The following CBLB variants were observed in gnomAD, a reference collection of about 807,000 sequenced individuals.
CBLB encodes the protein E3 ubiquitin-protein ligase CBL-B.
In CBLB, 31 loss-of-function variants were observed where a neutral mutation model predicts 104.9. The ratio of observed to expected loss-of-function variants is 0.30; its 90% CI spans 0.22 to 0.40. The LOEUF is 0.40. Ranked by LOEUF, CBLB falls within the 10% of genes least tolerant of loss-of-function variation. The pLI is 1.00. For missense variants in CBLB, 1,062 were observed against 1,214.6 expected (o/e 0.87, Z 1.87); for synonymous variants, 440 against 422.6 (o/e 1.04, Z -0.51).
rs58640968 is a variant in CBLB at position 105,780,660 on chromosome 3, G to GTTTTTTTTTTTTTTTTTTT, written c.420-4137_420-4119dup. The stretch of plus-strand genomic sequence containing the variant: ...TTTTACAATAAAAGTTTTGTTTTTT[G>GTTTTTTTTTTTTTTTTTTT]TTTTTTTTTTTTTTTTTTTTGAGAT... On this transcript the variant is annotated intron_variant, in intron 3 of 18. Transcript: ENST00000394030. 8.6e-4 allele frequency among the ~76,000 whole-genome samples: 81 copies of GTTTTTTTTTTTTTTTTTTT among 94,034 alleles called. 2 individuals are homozygous for GTTTTTTTTTTTTTTTTTTT. The highest frequency in any genetic ancestry group is 1.4e-3 in the African/African-American group (33 of 23,048). The allele number at this position is 94,034 out of a possible 152,430, so 61.7% of individuals were successfully genotyped here.
At chr3:105,662,003 A>C (rs2063832879) in intron 18 of CBLB, among the ~76,000 whole-genome samples, 1 of 152,174 alleles carries the variant, frequency 6.6e-6, no homozygotes, top group Non-Finnish European at 1.5e-5. Context: ...AAGAACACAA[A>C]ATTTGTTGTG....
chr3:105,698,339 C>T (rs563695391), intron 12 of CBLB, among the ~76,000 whole-genome samples: 1 of 151,856 alleles, frequency 6.6e-6, no homozygotes, highest in Non-Finnish European at 1.5e-5. Context: ...AGTGACAATG[C>T]AAACAGAAAA....
At chr3:105,659,901 T>C (rs1188518299) in intron 18 of CBLB, among the ~76,000 whole-genome samples, 3 of 152,092 alleles carry the variant, frequency 2.0e-5, no homozygotes, top group Non-Finnish European at 4.4e-5. Flanking sequence ...TTTGCTCAAA[T>C]ACTTTATACA....
intron 3 of CBLB, among the ~76,000 whole-genome samples, chr3:105,790,392 A>C (rs941500049): frequency 8.5e-5 from 13 of 152,246 alleles, no homozygotes; most frequent in African/African-American, 3.1e-4. Flanking sequence ...AGTATAGCTT[A>C]CTTACACAAC....
chr3:105,851,343 A>G (rs760698919), intron 3 of CBLB, among the ~76,000 whole-genome samples: 19 of 152,062 alleles, frequency 1.2e-4, no homozygotes, highest in Non-Finnish European at 2.6e-4. Context: ...AACTGCACAG[A>G]CAGTAAAAAG....
chr3:105,771,493 C>T (rs957593669), intron 4 of CBLB, among the ~76,000 whole-genome samples: 1 of 152,092 alleles, frequency 6.6e-6, no homozygotes, highest in Non-Finnish European at 1.5e-5. Context: ...TCCCCACCTT[C>T]ACCACTTCTA....
intron 6 of CBLB, among the ~76,000 whole-genome samples, chr3:105,742,446 G>C (rs2075698798): frequency 6.6e-6 from 1 of 152,012 alleles, no homozygotes; most frequent in Non-Finnish European, 1.5e-5. Context: ...ATTGGTGATA[G>C]AATCTTTGGA....
chr3:105,776,574 G>A (rs761214041), intron 3 of CBLB, 32 bp from the exon 4 acceptor site: 2 of 1,607,608 alleles, frequency 1.2e-6, no homozygotes, highest in Non-Finnish European at 1.7e-6. Context: ...ATGAAGATAA[G>A]AAATAAACAC....
intron 8 of CBLB, among the ~76,000 whole-genome samples, chr3:105,735,445 C>G (rs968916297): frequency 6.6e-6 from 1 of 152,066 alleles, no homozygotes; most frequent in Non-Finnish European, 1.5e-5. Context: ...AAAAAAATTA[C>G]ATTAAGCTAA....
chr3:105,699,591 T>C (rs997506353), intron 12 of CBLB, among the ~76,000 whole-genome samples: 4 of 152,184 alleles, frequency 2.6e-5, no homozygotes, highest in African/African-American at 7.2e-5. Flanking sequence ...TAAGTGATTA[T>C]GTCAGTTGTT....
intron 3 of CBLB, among the ~76,000 whole-genome samples, chr3:105,807,960 T>C (rs1228464659): frequency 1.3e-5 from 2 of 152,230 alleles, no homozygotes; most frequent in Non-Finnish European, 2.9e-5. Flanking sequence ...TACACTATCA[T>C]TGTGTAGGTA....
chr3:105,715,234 T>A (rs1292031098), intron 10 of CBLB, among the ~76,000 whole-genome samples: 1 of 152,162 alleles, frequency 6.6e-6, no homozygotes, highest in Non-Finnish European at 1.5e-5. Context: ...AGGGCTCACA[T>A]CAGATCTAAT....
chr3:105,676,219 A>AT (rs2152711564), intron 17 of CBLB, among the ~76,000 whole-genome samples: 1 of 152,318 alleles, frequency 6.6e-6, no homozygotes, highest in African/African-American at 2.4e-5. Flanking sequence ...ACAACGGTTT[A>AT]TAAAAATTGC....
intron 4 of CBLB, among the ~76,000 whole-genome samples, chr3:105,773,274 A>C (rs186348917): frequency 1.1e-4 from 17 of 152,352 alleles, no homozygotes; most frequent in Admixed American, 8.5e-4. Flanking sequence ...TTCTAAGTGA[A>C]GTAACTCAGA....
At position 105,776,512 on chromosome 3, in the gene CBLB, G is replaced by A. The variant is rs775611219; in HGVS notation, c.450C>T (p.Phe150=). Residue 150 remains phenylalanine (F), a synonymous_variant, in exon 4 of 19, where the codon TTC becomes TTT. Transcript: ENST00000394030. ...CTTTGATTTCTGCCAGCATGTGACTGAAGATAAGGGACAGTTTTGTGAGAT... is the reference window on the plus strand; with the variant it reads ...CTTTGATTTCTGCCAGCATGTGACTAAAGATAAGGGACAGTTTTGTGAGAT... ...RRNLTKLSLI[F]SHMLAEIKAI... is the part of the protein sequence containing the mutation. The A allele has an allele frequency of 2.5e-6, 4 of 1,613,806 alleles. No homozygotes were observed. The highest frequency in any genetic ancestry group is 1.7e-5 in the Admixed American group (1 of 60,026).
chr3:105,681,520 T>C lies in CBLB; in HGVS notation c.2387A>G (p.Asn796Ser), dbSNP rs1363179777. The change falls in exon 16 of 19, where the codon AAC (asparagine) becomes AGC (serine). Residue 796 changes from asparagine (N) to serine (S), a missense_variant. Asn to Ser is a conservative substitution (Grantham distance 46). This residue lies in a region of CBLB where 605 missense variants were observed against 582.6 expected (regional missense o/e 1.04). Transcript: ENST00000394030. ...AAGATCATAATCAGAGGGCGTCCTG[T>C]TGAGTGAAGAACCATGCTTTGGATT... ...RDNPKHGSSL[N>S]RTPSDYDLLI... 1 of 1,614,076 alleles carries C rather than the reference T, an allele frequency of 6.2e-7. No homozygotes were observed. Among genetic ancestry groups the C allele is most frequent in the Non-Finnish European group, 8.5e-7 (1 of 1,179,962 alleles).
At chr3:105,838,249 ATTTTTTTTTTTTTT>A (rs55769611) in intron 3 of CBLB, among the ~76,000 whole-genome samples, 2 of 55,992 alleles carry the variant, frequency 3.6e-5, no homozygotes, top group South Asian at 1.1e-3. Flanking sequence ...ACACCTGGCT[ATTTTTTTTTTTTTT>A]TTTTTTTTTT....
At chr3:105,728,275 T>C (rs957449375) in intron 9 of CBLB, among the ~76,000 whole-genome samples, 3 of 152,038 alleles carry the variant, frequency 2.0e-5, no homozygotes, top group Non-Finnish European at 4.4e-5. Context: ...TCTCAGGATA[T>C]AAAATCTATG....
intron 3 of CBLB, among the ~76,000 whole-genome samples, chr3:105,845,940 C>A (rs1291335297): frequency 6.6e-6 from 1 of 152,020 alleles, no homozygotes; most frequent in East Asian, 1.9e-4. Context: ...CTTTCTAAAG[C>A]AAATTCTACT....
Sources: allele counts gnomAD v4.1 joint callset (sites outside exome capture counted in the v4.1 genomes callset), GRCh38; gene constraint gnomAD v4.1.1; regional missense constraint gnomAD v4.1.1; transcripts MANE v1.5; gene names NCBI Gene and HGNC (gene_info 2026-07-23, HGNC 2026-07-21).